Variants in AEBP2 observed in about 807,000 individuals in gnomAD.
The protein encoded by AEBP2 is zinc finger protein AEBP2.
In AEBP2, 10 loss-of-function variants were observed where a neutral mutation model predicts 50.8. The ratio of observed to expected loss-of-function variants is 0.20; its 90% CI spans 0.12 to 0.33. The LOEUF is 0.33. Ranked by LOEUF, AEBP2 falls within the 10% of genes least tolerant of loss-of-function variation. The probability of loss-of-function intolerance (pLI) is 1.00; values close to 1 mark genes in which losing one functional copy is unlikely to be tolerated. For synonymous variants in AEBP2, 296 were observed against 261.3 expected (o/e 1.13, Z -1.28); for missense variants, 570 against 688.0 (o/e 0.83, Z 1.92).
chr12:19,518,217 T>TA lies in AEBP2; in HGVS notation c.*100_*101insA. 1.2e-5 allele frequency: 16 copies of TA among 1,294,526 alleles called. No individual in the cohort carries two copies. The highest frequency in any genetic ancestry group is 2.2e-5 in the South Asian group (1 of 46,382). The allele number at this position is 1,294,526 out of a possible 1,614,324, so 80.2% of individuals were successfully genotyped here. On this transcript the variant is annotated 3_prime_UTR_variant, in exon 8 of 8. Transcript: ENST00000266508. ...AAGTTGCACATTAGAGTCAACCCCT[T>TA]CTTTTTTTTTTTTTTTTTTTTAAAT...
chr12:19,425,793 A>T (rs998696871), intron 1 of AEBP2, among the ~76,000 whole-genome samples: 27 of 151,772 alleles, frequency 1.8e-4, no homozygotes, highest in African/African-American at 6.5e-4. Context: ...AAAAAAAAAA[A>T]AGTGGAATTA....
At chr12:19,448,790 C>A (rs114988048) in intron 1 of AEBP2, among the ~76,000 whole-genome samples, 192 of 152,252 alleles carry the variant, frequency 1.3e-3, no homozygotes, top group African/African-American at 4.3e-3. Context: ...AGTGACTGTC[C>A]TGCCTCAGCC....
intron 3 of AEBP2, among the ~76,000 whole-genome samples, chr12:19,479,954 T>C (rs532459652): frequency 6.6e-6 from 1 of 152,050 alleles, no homozygotes; most frequent in East Asian, 1.9e-4. Flanking sequence ...CTTTTAAATG[T>C]AGCATTTAGG....
chr12:19,404,180 G>A (rs997829664), exon 1 of AEBP2: 2 of 152,326 alleles, frequency 1.3e-5, no homozygotes, highest in Non-Finnish European at 2.9e-5. Context: ...ACCATCGCCT[G>A]AGTTAGCTGG....
chr12:19,492,038 A>G (rs534235040), intron 3 of AEBP2, among the ~76,000 whole-genome samples: 30 of 152,348 alleles, frequency 2.0e-4, no homozygotes, highest in African/African-American at 6.5e-4. Context: ...AGCCTGAGGC[A>G]TGTGATTTTT....
In AEBP2 at chr12:19,439,759, G is replaced by C. The variant is rs1239334087; in HGVS notation, c.60G>C (p.Leu20=). ...AGGAGCTCTCCCGCCTGAGCCCTCTGCCCCCCGGCAGCCCGGGTTCGGCGG... is the reference window on the plus strand; with the variant it reads ...AGGAGCTCTCCCGCCTGAGCCCTCTCCCCCCCGGCAGCCCGGGTTCGGCGG... ...DLEELSRLSP[L]PPGSPGSAAR... Residue 20 remains leucine (L), a synonymous_variant, in exon 1 of 8, where the codon CTG becomes CTC. Transcript: ENST00000266508. 1.3e-6 allele frequency: 2 copies of C among 1,517,846 alleles called. No individual in the cohort carries two copies. The highest frequency in any genetic ancestry group is 2.6e-5 in the East Asian group (1 of 37,854). 94.0% of individuals were successfully genotyped at this position (1,517,846 alleles called of 1,614,324 possible).
intron 2 of AEBP2, 117 bp from the exon 3 acceptor site, chr12:19,473,131 A>T: frequency 2.5e-6 from 1 of 392,556 alleles, no homozygotes; most frequent in Non-Finnish European, 4.3e-6. Context: ...ATTGGCTTGT[A>T]CATTCAGTAG....
chr12:19,427,554 G>C (rs923872090), intron 1 of AEBP2, among the ~76,000 whole-genome samples: 2 of 150,584 alleles, frequency 1.3e-5, no homozygotes, highest in Non-Finnish European at 3.0e-5. Flanking sequence ...CAGCTTTCCT[G>C]GTTCTCCAGC....
intron 3 of AEBP2, among the ~76,000 whole-genome samples, chr12:19,492,231 T>G (rs1948904530): frequency 6.6e-6 from 1 of 152,178 alleles, no homozygotes; most frequent in African/African-American, 2.4e-5. Flanking sequence ...TATTTTCTGT[T>G]TTGTTTTGTT....
chr12:19,492,975 CAAAAA>C (rs930793853), intron 3 of AEBP2, among the ~76,000 whole-genome samples: 1 of 150,780 alleles, frequency 6.6e-6, no homozygotes, highest in African/African-American at 2.4e-5. Context: ...GACCCTGTCT[CAAAAA>C]AAACAAAACC....
rs754529214 is a variant in AEBP2 at position 19,512,418 on chromosome 12, A to T, written c.1320A>T (p.Glu440Asp). The T allele has an allele frequency of 6.3e-7, 1 of 1,575,208 alleles. No homozygotes were observed. Among genetic ancestry groups the T allele is most frequent in the Non-Finnish European group, 8.6e-7 (1 of 1,158,316 alleles). ...FHSTVIAKRK[E>D]DSGKIKLLLH... The stretch of plus-strand genomic sequence containing the variant: ...ATCAGGTAATAGCTAAGAGAAAAGA[A>T]GATTCTGGGAAGATCAAACTTTTGC... Residue 440 changes from glutamate to aspartate, a missense_variant, in exon 6 of 8, where the codon GAA becomes GAT. By Grantham distance (45) the Glu-to-Asp change is conservative. This residue lies in a region of AEBP2 where 184 missense variants were observed against 351.2 expected (regional missense o/e 0.52). Coordinates refer to ENST00000266508, the MANE Select transcript of AEBP2 (RefSeq NM_153207.5).
intron 1 of AEBP2, chr12:19,457,134 A>C (rs1223496059): frequency 6.3e-7 from 1 of 1,598,588 alleles, no homozygotes; most frequent in African/African-American, 1.3e-5. Context: ...CAATTTCCTC[A>C]TATCTCTTCT....
chr12:19,504,970 TC>T (rs1375090884), intron 5 of AEBP2, among the ~76,000 whole-genome samples: 2 of 152,218 alleles, frequency 1.3e-5, no homozygotes, highest in Admixed American at 1.3e-4. Context: ...GGAGACTTTT[TC>T]TGAGATTGGA....
chr12:19,456,336 A>G, intron 1 of AEBP2: 1 of 1,418,226 alleles, frequency 7.1e-7, no homozygotes. Context: ...ATCCACTGCA[A>G]CTGTCTGTCT....
chr12:19,430,681 G>A (rs12814280), intron 1 of AEBP2, among the ~76,000 whole-genome samples: 13,707 of 152,078 alleles, frequency 0.09, 703 homozygotes, highest in Middle Eastern at 0.15. Flanking sequence ...TCTCCTTGAA[G>A]AGGTCCTTCA....
At chr12:19,479,839 C>T (rs192833627) in intron 3 of AEBP2, among the ~76,000 whole-genome samples, 124 of 146,136 alleles carry the variant, frequency 8.5e-4, no homozygotes, top group Admixed American at 7.6e-3. Context: ...TATCTTTTTC[C>T]ACCCCTTTAC....
chr12:19,456,801 A>C, intron 1 of AEBP2: 1 of 1,564,758 alleles, frequency 6.4e-7, no homozygotes, highest in Non-Finnish European at 8.8e-7. Flanking sequence ...AGCAAAGGTG[A>C]CCACCATACC....
At chr12:19,440,711 A>T (rs1947940713) in intron 1 of AEBP2, 2 of 1,533,436 alleles carry the variant, frequency 1.3e-6, no homozygotes, top group East Asian at 4.9e-5. Flanking sequence ...CTTGATGTAC[A>T]CACGTCGGTA....
chr12:19,435,162 C>G (rs2095753535), upstream of AEBP2, among the ~76,000 whole-genome samples: 1 of 150,812 alleles, frequency 6.6e-6, no homozygotes, highest in Admixed American at 6.6e-5. Context: ...CAAAGTCTCA[C>G]TCTGTCACCC....
Sources: allele counts gnomAD v4.1 joint callset (sites outside exome capture counted in the v4.1 genomes callset), GRCh38; gene constraint gnomAD v4.1.1; regional missense constraint gnomAD v4.1.1; transcripts MANE v1.5; gene names NCBI Gene and HGNC (gene_info 2026-07-23, HGNC 2026-07-21).